The following NAF1 variants were observed in gnomAD, a reference collection of about 807,000 sequenced individuals.
The protein encoded by NAF1 is nuclear assembly factor 1 ribonucleoprotein, also known as H/ACA ribonucleoprotein complex non-core subunit NAF1.
NAF1 carries 11 observed loss-of-function variants against 40.6 expected under a neutral mutation model. The ratio of observed to expected loss-of-function variants is 0.27; its 90% CI spans 0.17 to 0.45. The LOEUF is 0.45. Among genes scored for constraint, NAF1 ranks in the 20% least tolerant of loss-of-function variants. The probability of loss-of-function intolerance (pLI) is 1.00; values close to 1 mark genes in which losing one functional copy is unlikely to be tolerated. For missense variants in NAF1, 607 were observed against 611.1 expected, an observed-to-expected ratio of 0.99 and a Z score of 0.07; for synonymous variants, 260 against 228.5, an observed-to-expected ratio of 1.14 and a Z score of -1.24.
At chr4:163,141,279 A>G (rs1044059819) in intron 4 of NAF1, among the ~76,000 whole-genome samples, 17 of 152,112 alleles carry the variant, frequency 1.1e-4, no homozygotes, top group African/African-American at 3.6e-4. Flanking sequence ...CAAGAGAATC[A>G]CTTCAACCCA....
intron 2 of NAF1, among the ~76,000 whole-genome samples, chr4:163,115,916 C>T (rs934923160): frequency 1.3e-5 from 2 of 152,150 alleles, no homozygotes; most frequent in Non-Finnish European, 2.9e-5. Flanking sequence ...TTTCTATGCA[C>T]AATTTTAAAA....
chr4:163,155,403 T>C (rs1267852648), intron 2 of NAF1, among the ~76,000 whole-genome samples: 1 of 152,182 alleles, frequency 6.6e-6, no homozygotes, highest in Non-Finnish European at 1.5e-5. Flanking sequence ...TATATATCTA[T>C]TAGATGAACT....
intron 2 of NAF1, among the ~76,000 whole-genome samples, chr4:163,151,155 T>C (rs187606764): frequency 4.6e-5 from 7 of 152,116 alleles, no homozygotes; most frequent in Admixed American, 2.0e-4. Context: ...TTATCAAATA[T>C]GTAGCAAATA....
intron 4 of NAF1, among the ~76,000 whole-genome samples, chr4:163,143,006 G>T (rs1280335820): frequency 6.6e-6 from 1 of 152,188 alleles, no homozygotes; most frequent in Non-Finnish European, 1.5e-5. Context: ...ATTGTAAGGA[G>T]AGTATAAGAA....
chr4:163,166,425 G>A lies in NAF1; in HGVS notation c.303C>T (p.Ala101=), dbSNP rs35410130. 3,436 of 1,607,456 alleles carry A rather than the reference G, an allele frequency of 2.1e-3. 49 individuals carry two copies. The African/African-American group carries it at 0.041, about 19-fold the overall frequency. ...AGTCCGGCGCCCGCGCAGGCTCTGC[G>A]GCTCCTGGGGAGGTGACGCAGTCTC... ...ACGDCVTSPG[A]AEPARAPDSL... is the part of the protein sequence containing the mutation. Residue 101 remains alanine, a synonymous_variant, in exon 1 of 8, where the codon GCC becomes GCT. Coordinates refer to ENST00000274054, the MANE Select transcript of NAF1 (RefSeq NM_138386.3).
At chr4:163,122,075 G>C (rs1162327861), downstream of NAF1, among the ~76,000 whole-genome samples, 1 of 152,060 alleles carries the variant, frequency 6.6e-6, no homozygotes, top group Admixed American at 6.6e-5. Context: ...CATTATCGTT[G>C]AAAGAAAATA....
intron 2 of NAF1, among the ~76,000 whole-genome samples, chr4:163,161,659 G>A (rs1165833534): frequency 1.3e-5 from 2 of 152,132 alleles, no homozygotes; most frequent in Non-Finnish European, 2.9e-5. Context: ...TTTCTCCTGA[G>A]GTAATATGAG....
Position 163,129,265 on chromosome 4 carries a change from A to G in NAF1, c.1117T>C (p.Phe373Leu), listed in dbSNP as rs1373930520. The change falls in exon 8 of 8, where the codon TTC becomes CTC. Residue 373 changes from phenylalanine to leucine, a missense_variant. This residue lies in a region of NAF1 where 189 missense variants were observed against 216.6 expected (regional missense o/e 0.87). Coordinates refer to ENST00000274054, the MANE Select transcript of NAF1 (RefSeq NM_138386.3). ...EHAKGYRNRE[F>L]TRGFSRARYP... ...CTGGCCCTGGAAAATCCTCGTGTGA[A>G]TTCTCTGTTACGATATCCTTTTGCA... is the stretch of plus-strand genomic sequence containing the variant. 1.2e-6 allele frequency: 2 copies of G among 1,614,126 alleles called. No individual in the cohort carries two copies. Among genetic ancestry groups the G allele is most frequent in the South Asian group, 2.2e-5 (2 of 91,070 alleles).
At chr4:163,108,178 C>A (rs76868896), downstream of NAF1, among the ~76,000 whole-genome samples, 1,920 of 152,206 alleles carry the variant, frequency 0.013, 43 homozygotes, top group African/African-American at 0.044. Context: ...TCTGAAATCA[C>A]CTGGCCCTTG....
At chr4:163,162,943 A>C (rs1251842192) in intron 2 of NAF1, among the ~76,000 whole-genome samples, 1 of 152,210 alleles carries the variant, frequency 6.6e-6, no homozygotes, top group South Asian at 2.1e-4. Flanking sequence ...AAAAATACCT[A>C]AACAAATATG....
chr4:163,134,381 C>T (rs1170488448), intron 6 of NAF1, among the ~76,000 whole-genome samples: 1 of 152,090 alleles, frequency 6.6e-6, no homozygotes, highest in African/African-American at 2.4e-5. Flanking sequence ...AACCAGGAAT[C>T]CATACACTTC....
intron 4 of NAF1, among the ~76,000 whole-genome samples, chr4:163,141,352 G>A (rs1300015926): frequency 1.3e-5 from 2 of 152,056 alleles, no homozygotes; most frequent in African/African-American, 4.8e-5. Context: ...GGACAAAAGC[G>A]AGATAATATA....
In NAF1 at chr4:163,128,974, G is replaced by A; in HGVS notation, c.1408C>T (p.Pro470Ser). 1 of 1,477,776 alleles carries A rather than the reference G, an allele frequency of 6.8e-7. No individual in the cohort carries two copies. Among genetic ancestry groups the A allele is most frequent in the Non-Finnish European group, 9.3e-7 (1 of 1,074,702 alleles). 91.5% of individuals were successfully genotyped at this position (1,477,776 alleles called of 1,614,324 possible). A position where few individuals can be genotyped will look rare whatever the true frequency, so the allele number is the denominator to read the frequency against. ...PLLNLPYSLP[P>S]PPPPPPLPPP... ...GGCAGTGGTGGAGGGGGAGGGGGTG[G>A]GGGTAGGGAGTATGGTAAGTTAAGT... Residue 470 changes from proline (P) to serine (S), a missense_variant, in exon 8 of 8, where the codon CCA (proline) becomes TCA (serine). Coordinates refer to ENST00000274054, the MANE Select transcript of NAF1 (RefSeq NM_138386.3).
rs572758963 is a variant in NAF1, at chr4:163,137,335, A to T, written c.879-85T>A. The T allele has an allele frequency of 6.3e-6, 9 of 1,420,546 alleles. No homozygotes were observed. The East Asian group carries it at 2.2e-4, about 35-fold the overall frequency. 88.0% of individuals were successfully genotyped at this position (1,420,546 alleles called of 1,614,324 possible). A position where few individuals can be genotyped will look rare whatever the true frequency, so the allele number is the denominator to read the frequency against. The stretch of plus-strand genomic sequence containing the variant: ...TAACTTAAAAGTACAGAAAATAATA[A>T]AGTAAAGGACATGAGTTCAACCTTT... On this transcript the variant is annotated intron_variant, in intron 5 of 7. Transcript: ENST00000274054.
intron 4 of NAF1, chr4:163,144,037 T>A: frequency 1.0e-6 from 1 of 976,630 alleles, no homozygotes; most frequent in Non-Finnish European, 1.2e-6. Flanking sequence ...TAATACAGAG[T>A]CCTCTAGAAA....
intron 4 of NAF1, among the ~76,000 whole-genome samples, chr4:163,142,448 T>C (rs1731298085): frequency 6.6e-6 from 1 of 152,212 alleles, no homozygotes; most frequent in Admixed American, 6.5e-5. Flanking sequence ...ACAATTTCAG[T>C]GGAAAAATTC....
intron 4 of NAF1, 22 bp from the exon 5 acceptor site, chr4:163,140,405 C>T: frequency 6.4e-7 from 1 of 1,569,572 alleles, no homozygotes; most frequent in Non-Finnish European, 8.6e-7. Context: ...ACATAAAGGC[C>T]TCTTTTAACA....
intron 2 of NAF1, among the ~76,000 whole-genome samples, chr4:163,112,633 G>C (rs2110800402): frequency 6.6e-6 from 1 of 152,270 alleles, no homozygotes; most frequent in African/African-American, 2.4e-5. Context: ...CTCCATAAGT[G>C]AGATGGACTT....
At position 163,137,244 on chromosome 4, in the gene NAF1, C is replaced by T; in HGVS notation, c.885G>A (p.Lys295=). 6.2e-7 allele frequency: 1 copy of T among 1,608,632 alleles called. No homozygotes were observed. Among genetic ancestry groups the T allele is most frequent in the African/African-American group, 1.3e-5 (1 of 74,758 alleles). ...CATTCTTCCATGATGCATCTGATCCCTTATCCCTGAGTGGGGTGGGGATGG... is the reference window on the plus strand; with the variant it reads ...CATTCTTCCATGATGCATCTGATCCTTTATCCCTGAGTGGGGTGGGGATGG... ...YIFTEKLKQD[K]GSDASWKNDQ... Residue 295 remains lysine (K), a synonymous_variant, in exon 6 of 8, where the codon AAG becomes AAA. Coordinates refer to ENST00000274054, the MANE Select transcript of NAF1 (RefSeq NM_138386.3).
Sources: gnomAD v4.1 joint callset for allele counts (sites outside exome capture counted in the v4.1 genomes callset) on GRCh38, gnomAD v4.1.1 for gene constraint, gnomAD v4.1.1 regional missense constraint, MANE v1.5 for transcripts, NCBI Gene and HGNC (gene_info 2026-07-23, HGNC 2026-07-21) for gene names.